Variants in NDEL1 observed in about 807,000 individuals in gnomAD.
NDEL1 encodes the protein nudE neurodevelopment protein 1 like 1.
A neutral mutation model predicts 45.7 loss-of-function variants in NDEL1; 9 were observed. The observed-to-expected ratio is 0.20, with a 90% CI of 0.12 to 0.34. The LOEUF (loss-of-function observed/expected upper bound fraction) is 0.34. Among genes scored for constraint, NDEL1 ranks in the 10% least tolerant of loss-of-function variants. The pLI, the probability that NDEL1 is intolerant of heterozygous loss-of-function variation, is 1.00. For missense variants in NDEL1, 306 were observed against 406.2 expected (o/e 0.75, Z 2.12); for synonymous variants, 133 against 158.6 (o/e 0.84, Z 1.21).
chr17:8,429,866 G>A (rs1386353753), intron 1 of NDEL1, among the ~76,000 whole-genome samples: 1 of 152,126 alleles, frequency 6.6e-6, no homozygotes, highest in Non-Finnish European at 1.5e-5. Flanking sequence ...TGGACTGCTG[G>A]GCTGAAACAA....
chr17:8,461,566 A>G (rs761082709), intron 8 of NDEL1, among the ~76,000 whole-genome samples: 2 of 152,122 alleles, frequency 1.3e-5, no homozygotes. Flanking sequence ...TATTCTAACC[A>G]TTGGGTTTCC....
In NDEL1 at chr17:8,446,893, G is replaced by A. The variant is rs1450228194; in HGVS notation, c.380G>A (p.Arg127Gln). ...GAGCAGGCCAACGACGACCTGGAGC[G>A]AGCCAAAAGGTAAACGAATGACTGC... ...ELEQANDDLE[R>Q]AKRATIVSLE... is the part of the protein sequence containing the mutation. The change falls in exon 4 of 9, where the codon CGA becomes CAA. Residue 127 changes from arginine to glutamine, a missense_variant. Physicochemically the swap from Arg to Gln is conservative, Grantham distance 43. This residue lies in a region of NDEL1 where 112 missense variants were observed against 148.3 expected (regional missense o/e 0.76). Coordinates refer to ENST00000334527, the MANE Select transcript of NDEL1 (RefSeq NM_030808.5). 3.1e-6 allele frequency: 5 copies of A among 1,613,696 alleles called. No homozygotes were observed. Among genetic ancestry groups the A allele is most frequent in the African/African-American group, 2.7e-5 (2 of 74,894 alleles).
At chr17:8,449,386 C>T (rs1219362997) in intron 5 of NDEL1, among the ~76,000 whole-genome samples, 2 of 152,154 alleles carry the variant, frequency 1.3e-5, no homozygotes, top group African/African-American at 4.8e-5. Flanking sequence ...GGTTCTGTCT[C>T]CCAAAATGTT....
chr17:8,464,811 G>A (rs184379738), intron 8 of NDEL1: 121 of 152,680 alleles, frequency 7.9e-4, no homozygotes, highest in African/African-American at 2.8e-3. Flanking sequence ...GGCTCACTAG[G>A]TGAGCCTAGG....
intron 6 of NDEL1, among the ~76,000 whole-genome samples, chr17:8,451,786 T>C (rs911159365): frequency 5.3e-5 from 8 of 152,150 alleles, no homozygotes; most frequent in Non-Finnish European, 1.0e-4. Flanking sequence ...GCTTTTTTTT[T>C]CCACCCTATA....
At chr17:8,469,861 ATTTTTT>A (rs762773754), downstream of NDEL1, among the ~76,000 whole-genome samples, 30 of 128,620 alleles carry the variant, frequency 2.3e-4, no homozygotes, top group South Asian at 9.9e-4. Context: ...TGCCTGGCTA[ATTTTTT>A]TTTTTTTTTT....
At chr17:8,458,005 C>T (rs1910955964) in intron 7 of NDEL1, among the ~76,000 whole-genome samples, 1 of 152,024 alleles carries the variant, frequency 6.6e-6, no homozygotes, top group Non-Finnish European at 1.5e-5. Context: ...AAGCGTGTCC[C>T]CATTTATTGT....
intron 1 of NDEL1, among the ~76,000 whole-genome samples, chr17:8,426,756 T>C (rs1008202654): frequency 2.0e-5 from 3 of 151,988 alleles, no homozygotes; most frequent in Admixed American, 2.0e-4. Context: ...TGGCAGGGTA[T>C]CAAGTTCCAT....
chr17:8,455,229 C>T (rs963653406), intron 7 of NDEL1, among the ~76,000 whole-genome samples: 5 of 152,174 alleles, frequency 3.3e-5, no homozygotes, highest in African/African-American at 4.8e-5. Flanking sequence ...TGCTGTCTAC[C>T]GTCTTCCTGG....
chr17:8,472,075 G>T (rs138079027), downstream of NDEL1, among the ~76,000 whole-genome samples: 95 of 152,244 alleles, frequency 6.2e-4, no homozygotes, highest in African/African-American at 2.1e-3. Flanking sequence ...TTTTGGGAGT[G>T]AAGGAAGAGC....
At chr17:8,451,456 C>T (rs1179106228) in intron 6 of NDEL1, among the ~76,000 whole-genome samples, 10 of 152,098 alleles carry the variant, frequency 6.6e-5, no homozygotes, top group Admixed American at 4.6e-4. Flanking sequence ...GACCTGAGGC[C>T]TTTCTACATA....
At chr17:8,449,014 G>A (rs898900087) in intron 5 of NDEL1, among the ~76,000 whole-genome samples, 9 of 152,176 alleles carry the variant, frequency 5.9e-5, no homozygotes, top group African/African-American at 1.9e-4. Context: ...ACGAAGTCTC[G>A]TACTTTCACC....
intron 1 of NDEL1, among the ~76,000 whole-genome samples, chr17:8,422,977 C>T (rs540857881): frequency 1.3e-5 from 2 of 152,286 alleles, no homozygotes; most frequent in East Asian, 3.9e-4. Flanking sequence ...GATCCACCCG[C>T]CTCAGCCTCC....
intron 1 of NDEL1, chr17:8,436,810 TTA>T (rs2151704981): frequency 6.6e-6 from 1 of 152,324 alleles, no homozygotes; most frequent in Non-Finnish European, 1.5e-5. Context: ...TTGCAACTGA[TTA>T]TGTTATCGCC....
upstream of NDEL1, among the ~76,000 whole-genome samples, chr17:8,434,939 A>G (rs896189369): frequency 6.6e-6 from 1 of 151,938 alleles, no homozygotes; most frequent in African/African-American, 2.4e-5. Flanking sequence ...GCGTGGTGGC[A>G]GGCGCCTGTA....
chr17:8,472,428 C>T (rs941071787), downstream of NDEL1, among the ~76,000 whole-genome samples: 19 of 152,230 alleles, frequency 1.2e-4, no homozygotes, highest in East Asian at 5.8e-4. Context: ...GAGGCCAAGG[C>T]GGGACGAATC....
At chr17:8,472,047 G>A (rs563530335), downstream of NDEL1, among the ~76,000 whole-genome samples, 4 of 152,276 alleles carry the variant, frequency 2.6e-5, no homozygotes, top group South Asian at 8.3e-4. Flanking sequence ...CCTGGAGCCT[G>A]TTCTGGCTTT....
intron 1 of NDEL1, among the ~76,000 whole-genome samples, chr17:8,418,791 T>C (rs1908633982): frequency 2.0e-5 from 3 of 150,634 alleles, no homozygotes; most frequent in Admixed American, 1.3e-4. Context: ...CTCCTTTCTT[T>C]CTTTTCTTTT....
upstream of NDEL1, among the ~76,000 whole-genome samples, chr17:8,432,706 A>C (rs767045687): frequency 2.4e-4 from 37 of 152,034 alleles, no homozygotes; most frequent in Non-Finnish European, 4.7e-4. Flanking sequence ...AAGATTAGGA[A>C]ACAAAAAGTC....
Sources: allele counts gnomAD v4.1 joint callset (sites outside exome capture counted in the v4.1 genomes callset), GRCh38; gene constraint gnomAD v4.1.1; regional missense constraint gnomAD v4.1.1; transcripts MANE v1.5; gene names NCBI Gene and HGNC (gene_info 2026-07-23, HGNC 2026-07-21).